The following SCARB1 variants were observed in gnomAD, a reference collection of about 807,000 sequenced individuals.
The protein encoded by SCARB1 is scavenger receptor class B member 1, also known as CD36 and LIMPII analogous 1.
Under a neutral mutation model 57.2 loss-of-function variants are expected in SCARB1, and 30 were observed. That is an observed-to-expected ratio of 0.52 (90% CI 0.39 to 0.71). The LOEUF (loss-of-function observed/expected upper bound fraction) is 0.71. Ranked by LOEUF, SCARB1 falls within the 30% of genes least tolerant of loss-of-function variation. SCARB1 has a pLI of 0.00. For synonymous variants in SCARB1, 249 were observed against 268.3 expected, an observed-to-expected ratio of 0.93 and a Z score of 0.70; for missense variants, 543 against 671.2, an observed-to-expected ratio of 0.81 and a Z score of 2.11.
Position 124,778,414 on chromosome 12 carries a change from G to A in SCARB1, c.*173C>T, listed in dbSNP as rs946408734. On this transcript the variant is annotated 3_prime_UTR_variant, in exon 13 of 13. Coordinates refer to ENST00000261693, the MANE Select transcript of SCARB1 (RefSeq NM_005505.5). The stretch of plus-strand genomic sequence containing the variant: ...CACAAGCCTGCACGCATGTGTGTAT[G>A]TGTGCCAGGGCGTGTGTGCAGGTGT... 3.1e-6 allele frequency: 4 copies of A among 1,273,740 alleles called. No homozygotes were observed. The highest frequency in any genetic ancestry group is 4.0e-6 in the Non-Finnish European group (4 of 1,007,694). The allele number at this position is 1,273,740 out of a possible 1,614,324, so 78.9% of individuals were successfully genotyped here. A position where few individuals can be genotyped will look rare whatever the true frequency, so the allele number is the denominator to read the frequency against.
At chr12:124,847,290 C>T (rs906415286) in intron 1 of SCARB1, among the ~76,000 whole-genome samples, 3 of 152,174 alleles carry the variant, frequency 2.0e-5, no homozygotes, top group African/African-American at 7.2e-5. Flanking sequence ...CTTGGCTGTT[C>T]CCAGAGCTGC....
At chr12:124,798,819 G>C (rs975001119) in intron 8 of SCARB1, among the ~76,000 whole-genome samples, 2 of 151,692 alleles carry the variant, frequency 1.3e-5, no homozygotes, top group African/African-American at 4.9e-5. Flanking sequence ...ACTCCAGCCT[G>C]GGTAACCAGA....
chr12:124,862,779 A>G (rs1469017748), intron 1 of SCARB1, among the ~76,000 whole-genome samples: 1 of 152,172 alleles, frequency 6.6e-6, no homozygotes, highest in Non-Finnish European at 1.5e-5. Context: ...AGGCTCATTC[A>G]AACAGGCCAC....
At chr12:124,836,342 G>C (rs976220049) in intron 1 of SCARB1, among the ~76,000 whole-genome samples, 1 of 152,198 alleles carries the variant, frequency 6.6e-6, no homozygotes, top group Non-Finnish European at 1.5e-5. Context: ...GGCAGAGCAC[G>C]ATGTTCTGAA....
intron 1 of SCARB1, among the ~76,000 whole-genome samples, chr12:124,851,937 G>A (rs1322540636): frequency 6.6e-6 from 1 of 152,040 alleles, no homozygotes; most frequent in Non-Finnish European, 1.5e-5. Flanking sequence ...ATGGCGCCCG[G>A]CCTATAAATG....
chr12:124,777,260 G>A lies in SCARB1; in HGVS notation c.*1327C>T, dbSNP rs1379991629. The stretch of plus-strand genomic sequence containing the variant: ...TCACCATTTATGTAACGAGCAGAAA[G>A]CAAAGGCCTAGAACAACACGGGGCA... On this transcript the variant is annotated 3_prime_UTR_variant, in exon 13 of 13. Coordinates refer to ENST00000261693, the MANE Select transcript of SCARB1 (RefSeq NM_005505.5). 5 of 152,114 alleles carry A rather than the reference G, an allele frequency of 3.3e-5. No individual in the cohort carries two copies. Among genetic ancestry groups the A allele is most frequent in the African/African-American group, 9.7e-5 (4 of 41,414 alleles). The allele number at this position is 152,114 out of a possible 1,614,324, so 9.4% of individuals were successfully genotyped here. A position where few individuals can be genotyped will look rare whatever the true frequency, so the allele number is the denominator to read the frequency against.
Position 124,817,231 on chromosome 12 carries a change from C to T in SCARB1, c.284+319G>A, listed in dbSNP as rs988248539. On this transcript the variant is annotated intron_variant, in intron 2 of 12. Coordinates refer to ENST00000261693, the MANE Select transcript of SCARB1 (RefSeq NM_005505.5). The surrounding 1 kb of genome is among the most constrained non-coding windows in gnomAD (Gnocchi z 4.8). Reference sequence around the variant, plus strand: ...GGTCCCTCCCTGCTCCATAAAGAACCTCTCTAGGCAACGTCTGGTGATTCG... The same window carrying T: ...GGTCCCTCCCTGCTCCATAAAGAACTTCTCTAGGCAACGTCTGGTGATTCG... Among the ~76,000 whole-genome samples the T allele has an allele frequency of 3.3e-5, 5 of 151,698 alleles. No individual in the cohort carries two copies. The highest frequency in any genetic ancestry group is 6.6e-5 in the Admixed American group (1 of 15,224).
At chr12:124,841,884 C>T (rs1951924061) in intron 1 of SCARB1, among the ~76,000 whole-genome samples, 1 of 152,222 alleles carries the variant, frequency 6.6e-6, no homozygotes, top group Non-Finnish European at 1.5e-5. Context: ...GCCCATCCCT[C>T]CTGCTAAAGC....
At position 124,817,668 on chromosome 12, in the gene SCARB1, A is replaced by T; in HGVS notation, c.166T>A (p.Trp56Arg). ...TAGAAGGGGATAGGGATCTCCTTCCACATGTTGAAGGACAGGCTACTGGGG... is the reference window on the plus strand; with the variant it reads ...TAGAAGGGGATAGGGATCTCCTTCCTCATGTTGAAGGACAGGCTACTGGGG... ...IDPSSLSFNM[W>R]KEIPIPFYLS... is the part of the protein sequence containing the mutation. Residue 56 changes from tryptophan to arginine, a missense_variant, in exon 2 of 13, where the codon TGG (tryptophan) becomes AGG (arginine). Transcript: ENST00000261693. The surrounding 1 kb of genome is among the most constrained non-coding windows in gnomAD (Gnocchi z 4.8). The T allele has an allele frequency of 3.1e-6, 5 of 1,614,196 alleles. No individual in the cohort carries two copies. Among genetic ancestry groups the T allele is most frequent in the Non-Finnish European group, 4.2e-6 (5 of 1,180,026 alleles).
At position 124,837,221 on chromosome 12, in the gene SCARB1, G is replaced by A. The variant is rs11057846; in HGVS notation, c.127-19514C>T. Among the ~76,000 whole-genome samples, 1,465 of 152,212 alleles carry A rather than the reference G, an allele frequency of 9.6e-3. 33 individuals are homozygous for A. The highest frequency in any genetic ancestry group is 0.032 in the African/African-American group (1,349 of 41,528). On this transcript the variant is annotated intron_variant, in intron 1 of 12. Coordinates refer to ENST00000261693, the MANE Select transcript of SCARB1 (RefSeq NM_005505.5). Reference sequence around the variant, plus strand: ...TCCCAGCCCCACTGTTTCCACACAAGTCAGACAGTGAATATGCCTTCTTTC... The same window carrying A: ...TCCCAGCCCCACTGTTTCCACACAAATCAGACAGTGAATATGCCTTCTTTC...
intron 1 of SCARB1, among the ~76,000 whole-genome samples, chr12:124,852,388 G>T (rs1952448303): frequency 6.6e-6 from 1 of 152,232 alleles, no homozygotes; most frequent in Non-Finnish European, 1.5e-5. Context: ...GTTCCCCAGG[G>T]CGTATGACCT....
chr12:124,803,253 C>T (rs1284223941), intron 7 of SCARB1, among the ~76,000 whole-genome samples: 1 of 152,196 alleles, frequency 6.6e-6, no homozygotes, highest in African/African-American at 2.4e-5. Flanking sequence ...AGGGTGCTGG[C>T]CACGGGGTGC....
At chr12:124,854,509 T>C (rs1236471980) in intron 1 of SCARB1, among the ~76,000 whole-genome samples, 1 of 151,926 alleles carries the variant, frequency 6.6e-6, no homozygotes, top group Non-Finnish European at 1.5e-5. Context: ...GAAACCCCAC[T>C]GGGGAGCAAG....
chr12:124,790,032 CA>C (rs1279371551), intron 9 of SCARB1, among the ~76,000 whole-genome samples: 1 of 134,116 alleles, frequency 7.5e-6, no homozygotes, highest in African/African-American at 3.3e-5. Context: ...AAGAGGGAAG[CA>C]GGAGGTTAGA....
rs1950774039 is a variant in SCARB1, at chr12:124,817,303, G to A, written c.284+247C>T. 7.5e-6 allele frequency among the ~76,000 whole-genome samples: 1 copy of A among 132,848 alleles called. No individual in the cohort carries two copies. The highest frequency in any genetic ancestry group is 2.6e-4 in the South Asian group (1 of 3,842). 87.2% of individuals were successfully genotyped at this position (132,848 alleles called of 152,430 possible). On this transcript the variant is annotated intron_variant, in intron 2 of 12. Transcript: ENST00000261693. This position sits in a 1 kb window ranked among gnomAD's most constrained non-coding sequence, Gnocchi z 4.8. ...GAGAGGCTGAGGCGGAGGATCGCTT[G>A]AGCCCAGGACTTCAAAACCAGCCTG...
Position 124,786,521 on chromosome 12 carries a change from CAA to C in SCARB1, c.1255-20_1255-19del, listed in dbSNP as rs759863880. The C allele has an allele frequency of 6.2e-7, 1 of 1,613,680 alleles. No homozygotes were observed. The highest frequency in any genetic ancestry group is 1.3e-5 in the African/African-American group (1 of 74,944). Reference sequence around the variant, plus strand: ...GCCCCGCTCTGAGGAGACAGAATGACAAACACATGAGCTGGGGCCGCAGGCTG... The same window carrying C: ...GCCCCGCTCTGAGGAGACAGAATGACACACATGAGCTGGGGCCGCAGGCTG... On this transcript the variant is annotated intron_variant, in intron 10 of 12. Transcript: ENST00000261693.
chr12:124,807,701 C>A lies in SCARB1; in HGVS notation c.1009+60G>T, dbSNP rs1029935135. 1 of 1,553,156 alleles carries A rather than the reference C, an allele frequency of 6.4e-7. No individual in the cohort carries two copies. The highest frequency in any genetic ancestry group is 8.9e-7 in the Non-Finnish European group (1 of 1,128,164). On this transcript the variant is annotated intron_variant, in intron 7 of 12. Coordinates refer to ENST00000261693, the MANE Select transcript of SCARB1 (RefSeq NM_005505.5). The surrounding 1 kb of genome is among the most constrained non-coding windows in gnomAD (Gnocchi z 5.3). ...AAGCAGACAGCACTGGGCAGATAAA[C>A]CCTCAGCTGGCCCCACCCTCACACC...
chr12:124,843,814 C>A (rs1346087956), intron 1 of SCARB1, among the ~76,000 whole-genome samples: 1 of 152,286 alleles, frequency 6.6e-6, no homozygotes, highest in African/African-American at 2.4e-5. Flanking sequence ...CTCAGACCCC[C>A]ACCTGAGGAC....
At chr12:124,831,711 C>G (rs923500655) in intron 1 of SCARB1, among the ~76,000 whole-genome samples, 2 of 152,228 alleles carry the variant, frequency 1.3e-5, no homozygotes, top group African/African-American at 4.8e-5. Flanking sequence ...CCTGATACAA[C>G]TTCCTGTGCC....
Sources: gnomAD v4.1 joint callset for allele counts (sites outside exome capture counted in the v4.1 genomes callset) on GRCh38, gnomAD v4.1.1 for gene constraint, Gnocchi (gnomAD v3.1) non-coding constraint, MANE v1.5 for transcripts, NCBI Gene and HGNC (gene_info 2026-07-23, HGNC 2026-07-21) for gene names.